The following FOXO3 variants were observed in gnomAD, a reference collection of about 807,000 sequenced individuals.
The protein encoded by FOXO3 is forkhead box protein O3.
FOXO3 carries 4 observed loss-of-function variants against 41.9 expected under a neutral mutation model. The ratio of observed to expected loss-of-function variants is 0.10; its 90% CI spans 0.05 to 0.22. The LOEUF is 0.22. Among genes scored for constraint, FOXO3 ranks in the 10% least tolerant of loss-of-function variants. FOXO3 has a pLI of 1.00. For missense variants in FOXO3, 534 were observed against 906.8 expected (o/e 0.59, Z 5.28); for synonymous variants, 318 against 389.3 (o/e 0.82, Z 2.16).
chr6:108,664,918 T>C (rs1562264851), intron 2 of FOXO3, 29 bp downstream of exon 2: 31 of 1,567,892 alleles, frequency 2.0e-5, no homozygotes, highest in Non-Finnish European at 2.5e-5. Flanking sequence ...GGCATAAAAA[T>C]AACAATATGG....
At chr6:108,678,129 A>G (rs1478538351) in intron 2 of FOXO3, among the ~76,000 whole-genome samples, 1 of 152,352 alleles carries the variant, frequency 6.6e-6, no homozygotes, top group South Asian at 2.1e-4. Flanking sequence ...GTGTTTGCAA[A>G]CATTGAGAGT....
chr6:108,574,152 C>CA (rs1200932714), intron 1 of FOXO3, among the ~76,000 whole-genome samples: 10,301 of 72,146 alleles, frequency 0.14, 593 homozygotes, highest in African/African-American at 0.17. Context: ...GACTCTGTCT[C>CA]AAAAAAAAAA....
rs562590258 is a variant in FOXO3, at chr6:108,675,730, G to C, written c.*35-4097G>C. Among the ~76,000 whole-genome samples the C allele has an allele frequency of 7.6e-4, 115 of 152,258 alleles. 2 individuals are homozygous for C. In the Middle Eastern group the frequency reaches 0.037, roughly 50 times the overall value. ...GTTCTGTCTAACTAGGAAAACAGTT[G>C]ATAACCTTCATGGATTTGTGAATGT... On this transcript the variant is annotated intron_variant, in intron 2 of 2. Coordinates refer to ENST00000406360, the MANE Select transcript of FOXO3 (RefSeq NM_001455.4).
chr6:108,634,000 G>C (rs1778047584), intron 1 of FOXO3, among the ~76,000 whole-genome samples: 1 of 152,138 alleles, frequency 6.6e-6, no homozygotes, highest in South Asian at 2.1e-4. Context: ...TCTTTACATG[G>C]AACTGGTCCT....
intron 1 of FOXO3, among the ~76,000 whole-genome samples, chr6:108,599,965 G>A (rs1776997571): frequency 6.6e-6 from 1 of 152,146 alleles, no homozygotes; most frequent in African/African-American, 2.4e-5. Flanking sequence ...TGTGAGGAAG[G>A]TCCTCTATGT....
intron 1 of FOXO3, chr6:108,656,313 T>G: frequency 1.0e-6 from 1 of 976,728 alleles, no homozygotes; most frequent in Non-Finnish European, 1.2e-6. Flanking sequence ...CTCTCTGTGT[T>G]CCAGGGGAAG....
At chr6:108,645,769 A>G (rs774980923) in intron 1 of FOXO3, among the ~76,000 whole-genome samples, 49 of 152,294 alleles carry the variant, frequency 3.2e-4, no homozygotes, top group Admixed American at 1.4e-3. Context: ...AGGTGTTTCT[A>G]TTGCATTATC....
intron 1 of FOXO3, among the ~76,000 whole-genome samples, chr6:108,637,937 TAAATC>T (rs1312776961): frequency 1.3e-5 from 2 of 152,196 alleles, no homozygotes; most frequent in African/African-American, 4.8e-5. Flanking sequence ...TATTCAATGT[TAAATC>T]AGTAGAACAG....
chr6:108,584,796 A>T (rs1366741394), intron 1 of FOXO3, among the ~76,000 whole-genome samples: 2 of 152,118 alleles, frequency 1.3e-5, no homozygotes, highest in African/African-American at 4.8e-5. Context: ...TTGTAGACTA[A>T]TAGAATAACA....
chr6:108,674,758 A>G (rs1397707083), intron 2 of FOXO3, among the ~76,000 whole-genome samples: 2 of 152,200 alleles, frequency 1.3e-5, no homozygotes, highest in Non-Finnish European at 1.5e-5. Context: ...AGCATGGATG[A>G]GGACAGTGGA....
chr6:108,573,891 C>T (rs1053844182), intron 1 of FOXO3, among the ~76,000 whole-genome samples: 2 of 152,248 alleles, frequency 1.3e-5, no homozygotes, highest in Admixed American at 6.5e-5. Context: ...CGGCGGCTCA[C>T]GCCTGTAATC....
chr6:108,572,443 C>G (rs1404615172), intron 1 of FOXO3, among the ~76,000 whole-genome samples: 1 of 152,168 alleles, frequency 6.6e-6, no homozygotes, highest in Non-Finnish European at 1.5e-5. Flanking sequence ...CTTATGTCTG[C>G]TCTGTTTATA....
chr6:108,563,060 T>C, intron 1 of FOXO3, among the ~76,000 whole-genome samples: 1 of 152,194 alleles, frequency 6.6e-6, no homozygotes, highest in Non-Finnish European at 1.5e-5. Context: ...TTCATTGTCA[T>C]TGGGGAGCCC....
At chr6:108,613,558 A>G (rs1777418697) in intron 1 of FOXO3, among the ~76,000 whole-genome samples, 1 of 152,188 alleles carries the variant, frequency 6.6e-6, no homozygotes, top group Non-Finnish European at 1.5e-5. Flanking sequence ...TTTAATAGAT[A>G]TATCATCTGT....
intron 1 of FOXO3, among the ~76,000 whole-genome samples, chr6:108,596,916 A>G (rs1776902120): frequency 6.6e-6 from 1 of 152,146 alleles, no homozygotes; most frequent in Non-Finnish European, 1.5e-5. Context: ...TTTTAACAGA[A>G]AACAGTTATC....
chr6:108,625,279 C>G (rs1280409453), intron 1 of FOXO3, among the ~76,000 whole-genome samples: 1 of 152,154 alleles, frequency 6.6e-6, no homozygotes, highest in Non-Finnish European at 1.5e-5. Flanking sequence ...AGTTCAGTTA[C>G]TTAACATTTC....
rs186546089 is a variant in FOXO3, at chr6:108,632,206, A to G, written c.622-31249A>G. ...TGTTTTAGATGCGGTGCTAGGCGCTATGGGGTCTACAGAGATTAGCAAAGT... is the reference window on the plus strand; with the variant it reads ...TGTTTTAGATGCGGTGCTAGGCGCTGTGGGGTCTACAGAGATTAGCAAAGT... On this transcript the variant is annotated intron_variant, in intron 1 of 2. Coordinates refer to ENST00000406360, the MANE Select transcript of FOXO3 (RefSeq NM_001455.4). Among the ~76,000 whole-genome samples, 267 of 152,310 alleles carry G rather than the reference A, an allele frequency of 1.8e-3. 1 individual carries two copies. Among genetic ancestry groups the G allele is most frequent in the Non-Finnish European group, 3.1e-3 (210 of 68,026 alleles).
chr6:108,661,690 A>G (rs1297574125), intron 1 of FOXO3, among the ~76,000 whole-genome samples: 2 of 152,214 alleles, frequency 1.3e-5, no homozygotes, highest in East Asian at 1.9e-4. Context: ...AAGGTGGGGA[A>G]CTGCAGTTGT....
rs148486960 is a variant in FOXO3, at chr6:108,573,391, T to A, written c.621+11562T>A. 2.6e-3 allele frequency among the ~76,000 whole-genome samples: 390 copies of A among 152,336 alleles called. 3 individuals carry two copies. Among genetic ancestry groups the A allele is most frequent in the African/African-American group, 9.1e-3 (380 of 41,574 alleles). ...ACCTCTATCCCCAGGAATCCCCACC[T>A]TAATCCTTCTGACTCCATCTTGAAT... On this transcript the variant is annotated intron_variant, in intron 1 of 2. Transcript: ENST00000406360.
Sources: allele counts gnomAD v4.1 joint callset (sites outside exome capture counted in the v4.1 genomes callset), GRCh38; gene constraint gnomAD v4.1.1; transcripts MANE v1.5; gene names NCBI Gene and HGNC (gene_info 2026-07-23, HGNC 2026-07-21).